NCOR2: variants seen among roughly 807,000 people sequenced by gnomAD.
The protein encoded by NCOR2 is nuclear receptor corepressor 2.
Under a neutral mutation model 262.9 loss-of-function variants are expected in NCOR2, and 81 were observed. That is an observed-to-expected ratio of 0.31 (90% CI 0.26 to 0.37). The LOEUF is 0.37. Among genes scored for constraint, NCOR2 ranks in the 10% least tolerant of loss-of-function variants. The pLI is 1.00. For synonymous variants in NCOR2, 1,659 were observed against 1,559.3 expected, an observed-to-expected ratio of 1.06 and a Z score of -1.51; for missense variants, 3,385 against 3,621.4, an observed-to-expected ratio of 0.93 and a Z score of 1.68.
At chr12:124,508,277 A>G (rs1048197091) in intron 1 of NCOR2, among the ~76,000 whole-genome samples, 2 of 152,264 alleles carry the variant, frequency 1.3e-5, no homozygotes, top group South Asian at 2.1e-4. Context: ...GGGCCATTCA[A>G]TTACCCCAGG....
chr12:124,388,912 C>CGCGGCGGGCGGAGGCTG (rs2041051262), intron 16 of NCOR2: 1 of 626,422 alleles, frequency 1.6e-6, no homozygotes, highest in African/African-American at 2.1e-5. Flanking sequence ...GAGGGAGGGA[C>CGCGGCGGGCGGAGGCTG]GCGGCGGGCG....
In NCOR2 at chr12:124,481,116, G is replaced by C. The variant is rs2047448539; in HGVS notation, c.411+2480C>G. Reference sequence around the variant, plus strand: ...GGAAGCAGGGGGTGAAGGGGAGTGAGCAGGACAGGGGGGCTGTTTGGGTGG... The same window carrying C: ...GGAAGCAGGGGGTGAAGGGGAGTGACCAGGACAGGGGGGCTGTTTGGGTGG... On this transcript the variant is annotated intron_variant, in intron 3 of 46. Coordinates refer to ENST00000405201, the Ensembl canonical transcript of NCOR2. The surrounding 1 kb of genome is among the most constrained non-coding windows in gnomAD (Gnocchi z 4.6). Among the ~76,000 whole-genome samples, 1 of 151,572 alleles carries C rather than the reference G, an allele frequency of 6.6e-6. No homozygotes were observed. The highest frequency in any genetic ancestry group is 2.4e-5 in the African/African-American group (1 of 41,204).
chr12:124,500,392 C>T (rs1000147186), intron 1 of NCOR2, among the ~76,000 whole-genome samples: 3 of 152,202 alleles, frequency 2.0e-5, no homozygotes, highest in African/African-American at 7.2e-5. Context: ...TGCACTCTGC[C>T]AGGCAGCAGC....
intron 13 of NCOR2, among the ~76,000 whole-genome samples, chr12:124,407,012 G>A (rs369214381): frequency 1.3e-5 from 2 of 151,890 alleles, no homozygotes; most frequent in African/African-American, 2.4e-5. Flanking sequence ...CAAAGACAGA[G>A]GGAGTTTAAG....
At chr12:124,466,031 T>TTAAAAA in intron 5 of NCOR2, 142 bp downstream of exon 7, 1 of 824,360 alleles carries the variant, frequency 1.2e-6, no homozygotes, top group Non-Finnish European at 1.9e-6. Flanking sequence ...CACCCACTCA[T>TTAAAAA]AAACCCTGCG....
chr12:124,356,697 C>T, exon 23 of NCOR2: 1 of 1,479,176 alleles, frequency 6.8e-7, no homozygotes. Context: ...AGGCCTTGAT[C>T]ACCTCACGGG....
chr12:124,334,648 G>GAGAGTGCTGC, intron 40 of NCOR2, 31 bp from the exon 43 acceptor site: 1 of 1,247,106 alleles, frequency 8.0e-7, no homozygotes, highest in Non-Finnish European at 1.0e-6. Context: ...CCAGAGTCAG[G>GAGAGTGCTGC]CAGCACTCTC....
chr12:124,346,633 G>A (rs371027420), exon 31 of NCOR2: 46 of 1,594,614 alleles, frequency 2.9e-5, no homozygotes, highest in African/African-American at 6.7e-5. Context: ...GCAGCTCCTC[G>A]CGCGGGATCT....
chr12:124,342,556 G>T (rs1043410606), intron 33 of NCOR2, among the ~76,000 whole-genome samples: 1 of 152,050 alleles, frequency 6.6e-6, no homozygotes, highest in African/African-American at 2.4e-5. Context: ...TTTTAGTAGG[G>T]ACGGGGTTTC....
At chr12:124,492,014 C>A (rs2048108281) in intron 1 of NCOR2, among the ~76,000 whole-genome samples, 1 of 152,168 alleles carries the variant, frequency 6.6e-6, no homozygotes, top group Non-Finnish European at 1.5e-5. Context: ...AGGGTCCAGG[C>A]CTCTGTCTGC....
intron 22 of NCOR2, among the ~76,000 whole-genome samples, chr12:124,359,962 G>A (rs1276386461): frequency 6.6e-6 from 1 of 152,228 alleles, no homozygotes; most frequent in Non-Finnish European, 1.5e-5. Context: ...AACGCCAGGT[G>A]CACCGTCCCC....
At chr12:124,363,830 G>A (rs2038803541) in intron 20 of NCOR2, 31 bp from the exon 23 acceptor site, 2 of 1,323,850 alleles carry the variant, frequency 1.5e-6, no homozygotes, top group South Asian at 2.5e-5. Context: ...TCAGCTGGGG[G>A]CCCACAGCCG....
exon 5 of NCOR2, chr12:124,466,228 G>A (rs199588853): frequency 2.7e-5 from 43 of 1,610,328 alleles, no homozygotes; most frequent in East Asian, 6.7e-5. Flanking sequence ...CTCGATGGGC[G>A]GCGGTGACAC....
exon 33 of NCOR2, chr12:124,343,099 C>T: frequency 6.2e-7 from 1 of 1,612,498 alleles, no homozygotes. Flanking sequence ...CGCCCCGAAG[C>T]AGGTGCTCAT....
chr12:124,422,365 G>A (rs893274314), intron 12 of NCOR2, 136 bp downstream of exon 14: 7 of 968,540 alleles, frequency 7.2e-6, no homozygotes, highest in African/African-American at 6.4e-5. Context: ...GGAGGGAGGA[G>A]GGGAGCATGG....
chr12:124,391,258 G>A (rs1051078960), intron 16 of NCOR2, among the ~76,000 whole-genome samples: 32 of 152,034 alleles, frequency 2.1e-4, no homozygotes, highest in Admixed American at 7.2e-4. Flanking sequence ...CCCCAACCCT[G>A]GAAACACACT....
At chr12:124,385,620 T>C in intron 17 of NCOR2, 125 bp downstream of exon 19, 1 of 1,405,522 alleles carries the variant, frequency 7.1e-7, no homozygotes, top group Non-Finnish European at 9.6e-7. Context: ...AGCTGAGTTC[T>C]AACAAGGCGG....
chr12:124,382,468 C>T lies in NCOR2; in HGVS notation c.2019+3277G>A, dbSNP rs568005306. On this transcript the variant is annotated intron_variant, in intron 17 of 46. Transcript: ENST00000405201. The stretch of plus-strand genomic sequence containing the variant: ...GGATCTCGGGGTCCCCTCCTGTCCA[C>T]GCCTCCAGAGTCTTCAGCGTCAGGG... Among the ~76,000 whole-genome samples, 5 of 152,354 alleles carry T rather than the reference C, an allele frequency of 3.3e-5. No homozygotes were observed. In the Middle Eastern group the frequency reaches 0.01, roughly 311 times the overall value.
rs1593263863 is a variant in NCOR2 at position 124,373,504 on chromosome 12, TGCGTGC to T, written c.2219-900_2219-895del. 1.9e-4 allele frequency among the ~76,000 whole-genome samples: 19 copies of T among 100,150 alleles called. 1 individual carries two copies. Among genetic ancestry groups the T allele is most frequent in the East Asian group, 1.5e-3 (4 of 2,730 alleles). 65.7% of individuals were successfully genotyped at this position (100,150 alleles called of 152,430 possible). On this transcript the variant is annotated intron_variant, in intron 19 of 46. Coordinates refer to ENST00000405201, the Ensembl canonical transcript of NCOR2. Reference sequence around the variant, plus strand: ...CGGGCACAGTGGACAGTGAGGCCAGTGCGTGCGCAGGGGCCCCGGGCACAGTGGACA... The same window carrying T: ...CGGGCACAGTGGACAGTGAGGCCAGTGCAGGGGCCCCGGGCACAGTGGACA...
Sources: allele counts gnomAD v4.1 joint callset (sites outside exome capture counted in the v4.1 genomes callset), GRCh38; gene constraint gnomAD v4.1.1; non-coding constraint Gnocchi (gnomAD v3.1); transcripts MANE v1.5; gene names NCBI Gene and HGNC (gene_info 2026-07-23, HGNC 2026-07-21).